The following CHST6 variants were observed in gnomAD, a reference collection of about 807,000 sequenced individuals.
The protein encoded by CHST6 is N-acetylglucosamine 6-O-sulfotransferase 5.
For synonymous variants in CHST6, 309 were observed against 276.4 expected, an observed-to-expected ratio of 1.12 and a Z score of -1.17; for missense variants, 698 against 586.2, an observed-to-expected ratio of 1.19 and a Z score of -1.97.
At chr16:75,489,097 G>A (rs182772101) in intron 1 of CHST6, among the ~76,000 whole-genome samples, 43 of 151,782 alleles carry the variant, frequency 2.8e-4, no homozygotes, top group African/African-American at 9.7e-4. Context: ...AGGAAAGTGA[G>A]GTGTAGAAAA....
chr16:75,478,778 C>T lies in CHST6; in HGVS notation c.1051G>A (p.Gly351Ser). ...CGGTAGCCCAGCAGCTGCAGCGCACCAGCGCACAGTTCCTGCACGCGGCGG... is the reference window on the plus strand; with the variant it reads ...CGGTAGCCCAGCAGCTGCAGCGCACTAGCGCACAGTTCCTGCACGCGGCGG... ...KIRRVQELCA[G>S]ALQLLGYRPV... Residue 351 changes from glycine to serine, a missense_variant, in exon 3 of 3, where the codon GGT (glycine) becomes AGT (serine). Transcript: ENST00000332272. 6.2e-7 allele frequency: 1 copy of T among 1,613,494 alleles called. No individual in the cohort carries two copies. Among genetic ancestry groups the T allele is most frequent in the Non-Finnish European group, 8.5e-7 (1 of 1,180,014 alleles).
At chr16:75,481,291 A>G (rs1227875118) in intron 2 of CHST6, among the ~76,000 whole-genome samples, 1 of 151,200 alleles carries the variant, frequency 6.6e-6, no homozygotes, top group Non-Finnish European at 1.5e-5. Context: ...ATACAGTACA[A>G]TATCAAAATG....
chr16:75,478,907 G>A lies in CHST6; in HGVS notation c.922C>T (p.His308Tyr). 6.2e-7 allele frequency: 1 copy of A among 1,613,206 alleles called. No homozygotes were observed. Among genetic ancestry groups the A allele is most frequent in the Non-Finnish European group, 8.5e-7 (1 of 1,179,948 alleles). Residue 308 changes from histidine to tyrosine, a missense_variant, in exon 3 of 3, where the codon CAC becomes TAC. Physicochemically the swap from His to Tyr is moderately conservative, Grantham distance 83. Coordinates refer to ENST00000332272, the MANE Select transcript of CHST6 (RefSeq NM_021615.5). ...QLEAWIHNIT[H>Y]GSGPGARREA... The stretch of plus-strand genomic sequence containing the variant: ...CGGCGCGCACCAGGTCCAGATCCGT[G>A]GGTGATGTTATGGATCCAGGCCTCG...
chr16:75,486,167 C>G (rs867881443), intron 1 of CHST6, among the ~76,000 whole-genome samples: 81 of 152,372 alleles, frequency 5.3e-4, no homozygotes, highest in African/African-American at 1.9e-3. Context: ...CTGCAGCCAC[C>G]TCCTCTGTGC....
rs938777211 is a variant in CHST6 at position 75,489,313 on chromosome 16, C to T, written c.-92+5627G>A. On this transcript the variant is annotated intron_variant, in intron 1 of 2. Coordinates refer to ENST00000332272, the MANE Select transcript of CHST6 (RefSeq NM_021615.5). ...ACTCGTGAAGATGAGGCAGAAGAAT[C>T]GCTTGAGCCCAGGAGGCGGAGGTTG... Among the ~76,000 whole-genome samples the T allele has an allele frequency of 8.6e-4, 128 of 149,454 alleles. 2 individuals are homozygous for T. Among genetic ancestry groups the T allele is most frequent in the African/African-American group, 2.8e-3 (113 of 40,314 alleles).
In CHST6 at chr16:75,478,709, G is replaced by C; in HGVS notation, c.1120C>G (p.Leu374Val). ...CCGTTCAGGCCTCGTGGCAGCACCAGATCAAGGGCGAGGTTGCGCTGCTCG... is the reference window on the plus strand; with the variant it reads ...CCGTTCAGGCCTCGTGGCAGCACCACATCAAGGGCGAGGTTGCGCTGCTCG... ...EDEQRNLALD[L>V]VLPRGLNGFT... The change falls in exon 3 of 3, where the codon CTG becomes GTG. Residue 374 changes from leucine to valine, a missense_variant. Coordinates refer to ENST00000332272, the MANE Select transcript of CHST6 (RefSeq NM_021615.5). The C allele has an allele frequency of 6.2e-7, 1 of 1,613,636 alleles. No homozygotes were observed. The highest frequency in any genetic ancestry group is 8.5e-7 in the Non-Finnish European group (1 of 1,180,030).
chr16:75,481,650 C>T (rs1465313102), intron 2 of CHST6, among the ~76,000 whole-genome samples, 167 bp downstream of exon 2: 7 of 152,168 alleles, frequency 4.6e-5, no homozygotes, highest in Admixed American at 3.9e-4. Context: ...CAATTGTTGC[C>T]ATCACCGGTA....
chr16:75,491,857 C>A (rs1254187821), intron 1 of CHST6, among the ~76,000 whole-genome samples: 2 of 152,150 alleles, frequency 1.3e-5, no homozygotes, highest in Non-Finnish European at 2.9e-5. Context: ...CCTGAGTACC[C>A]AGTTAGCCAG....
chr16:75,488,560 C>T lies in CHST6; in HGVS notation c.-92+6380G>A, dbSNP rs562792334. ...GGCCTTGAGGCATCAAGAGCTACAA[C>T]TGGGGCCAAACTGCTCTAGTGGAGC... On this transcript the variant is annotated intron_variant, in intron 1 of 2. Coordinates refer to ENST00000332272, the MANE Select transcript of CHST6 (RefSeq NM_021615.5). 5.3e-5 allele frequency among the ~76,000 whole-genome samples: 8 copies of T among 151,788 alleles called. No individual in the cohort carries two copies. In the South Asian group the frequency reaches 1.2e-3, roughly 24 times the overall value.
At chr16:75,492,578 G>A (rs1263229236) in intron 1 of CHST6, among the ~76,000 whole-genome samples, 2 of 152,246 alleles carry the variant, frequency 1.3e-5, no homozygotes, top group Non-Finnish European at 2.9e-5. Flanking sequence ...GCCGGGCGCG[G>A]TGGCTCACGC....
chr16:75,479,206 A>C lies in CHST6; in HGVS notation c.623T>G (p.Leu208Arg). Residue 208 changes from leucine to arginine, a missense_variant, in exon 3 of 3, where the codon CTG (leucine) becomes CGG (arginine). Coordinates refer to ENST00000332272, the MANE Select transcript of CHST6 (RefSeq NM_021615.5). ...VHLVRDPRAVLRSREQTAKAL... is the reference protein window; with the variant it reads ...VHLVRDPRAVRRSREQTAKAL... ...CTTGGCTGTCTGCTCCCGGGAGCGC[A>C]GCACGGCCCGCGGGTCGCGCACCAG... The C allele has an allele frequency of 1.2e-6, 2 of 1,609,598 alleles. No individual in the cohort carries two copies. The highest frequency in any genetic ancestry group is 2.2e-5 in the East Asian group (1 of 44,840).
intron 1 of CHST6, among the ~76,000 whole-genome samples, chr16:75,485,941 T>C (rs1331453348): frequency 6.6e-6 from 1 of 152,218 alleles, no homozygotes; most frequent in East Asian, 1.9e-4. Context: ...CAGTCCATCT[T>C]GTACAGTTGC....
intron 1 of CHST6, among the ~76,000 whole-genome samples, chr16:75,485,109 A>G (rs1321029486): frequency 1.3e-5 from 2 of 152,164 alleles, no homozygotes. Flanking sequence ...GAAAATGATC[A>G]TATTTTTTCA....
At chr16:75,488,186 G>A (rs2080221305) in intron 1 of CHST6, among the ~76,000 whole-genome samples, 2 of 152,120 alleles carry the variant, frequency 1.3e-5, no homozygotes, top group South Asian at 4.1e-4. Context: ...AAAGCCACCT[G>A]GGCACGGTGG....
At position 75,474,296 on chromosome 16, in the gene CHST6, T is replaced by G; in HGVS notation, c.*4345A>C. ...ACAGATGGGGTCATTTATTTAGAGATAGGTGTCTTGCTCTGTCACTCAGGC... is the reference window on the plus strand; with the variant it reads ...ACAGATGGGGTCATTTATTTAGAGAGAGGTGTCTTGCTCTGTCACTCAGGC... On this transcript the variant is annotated 3_prime_UTR_variant, in exon 3 of 3. Transcript: ENST00000332272. 3.2e-6 allele frequency: 1 copy of G among 313,678 alleles called. No homozygotes were observed. Among genetic ancestry groups the G allele is most frequent in the Non-Finnish European group, 5.8e-6 (1 of 172,852 alleles). 19.4% of individuals were successfully genotyped at this position (313,678 alleles called of 1,614,324 possible).
intron 1 of CHST6, among the ~76,000 whole-genome samples, chr16:75,488,668 A>C (rs1245126785): frequency 1.3e-5 from 2 of 151,954 alleles, no homozygotes; most frequent in Non-Finnish European, 2.9e-5. Flanking sequence ...AAAATGAGAC[A>C]AAACATAAAG....
chr16:75,479,511 C>T lies in CHST6; in HGVS notation c.318G>A (p.Val106=), dbSNP rs950765652. The change falls in exon 3 of 3, where the codon GTG becomes GTA. Residue 106 remains valine (V), a synonymous_variant. Transcript: ENST00000332272. Reference sequence around the variant, plus strand: ...GGCGCCAAGGCAGATAGGCATCAAACACGTCCATGTCGCACAGGAAGACGG... The same window carrying T: ...GGCGCCAAGGCAGATAGGCATCAAATACGTCCATGTCGCACAGGAAGACGG... ...VRSVFLCDMD[V]FDAYLPWRRN... is the part of the protein sequence containing the mutation. 6.2e-7 allele frequency: 1 copy of T among 1,612,992 alleles called. No homozygotes were observed. The highest frequency in any genetic ancestry group is 8.5e-7 in the Non-Finnish European group (1 of 1,179,858).
In CHST6 at chr16:75,473,486, A is replaced by G. The variant is rs2080036528; in HGVS notation, c.*5155T>C. 1 of 152,252 alleles carries G rather than the reference A, an allele frequency of 6.6e-6. No individual in the cohort carries two copies. Among genetic ancestry groups the G allele is most frequent in the Admixed American group, 6.5e-5 (1 of 15,280 alleles). 9.4% of individuals were successfully genotyped at this position (152,252 alleles called of 1,614,324 possible). Reference sequence around the variant, plus strand: ...AGGTTCTCTTCAGGTGGAGGAAAGCAGAGGCGTCAGCTCAGACTATGCCTT... The same window carrying G: ...AGGTTCTCTTCAGGTGGAGGAAAGCGGAGGCGTCAGCTCAGACTATGCCTT... On this transcript the variant is annotated 3_prime_UTR_variant, in exon 3 of 3. Coordinates refer to ENST00000332272, the MANE Select transcript of CHST6 (RefSeq NM_021615.5).
At position 75,491,165 on chromosome 16, in the gene CHST6, T is replaced by TAAAA. The variant is rs1168619782; in HGVS notation, c.-92+3771_-92+3774dup. 1.4e-3 allele frequency among the ~76,000 whole-genome samples: 38 copies of TAAAA among 26,356 alleles called. 1 individual carries two copies. The highest frequency in any genetic ancestry group is 3.5e-3 in the East Asian group (4 of 1,146). 17.3% of individuals were successfully genotyped at this position (26,356 alleles called of 152,430 possible). Reference sequence around the variant, plus strand: ...GGGTGACAAGAGTGAAACTCCGTCTTAAAAAAAAAAAAAAAAAAAAAAAAA... The same window carrying TAAAA: ...GGGTGACAAGAGTGAAACTCCGTCTTAAAAAAAAAAAAAAAAAAAAAAAAAAAAA... On this transcript the variant is annotated intron_variant, in intron 1 of 2. Coordinates refer to ENST00000332272, the MANE Select transcript of CHST6 (RefSeq NM_021615.5).
Sources: gnomAD v4.1 joint callset for allele counts (sites outside exome capture counted in the v4.1 genomes callset) on GRCh38, gnomAD v4.1.1 for gene constraint, MANE v1.5 for transcripts, NCBI Gene and HGNC (gene_info 2026-07-23, HGNC 2026-07-21) for gene names.